Variants in NECTIN3 observed in about 807,000 individuals in gnomAD.
NECTIN3 encodes the protein nectin-3.
A neutral mutation model predicts 49.4 loss-of-function variants in NECTIN3; 8 were observed. The ratio of observed to expected loss-of-function variants is 0.16; its 90% confidence interval spans 0.10 to 0.29. The LOEUF (loss-of-function observed/expected upper bound fraction) is 0.29, where lower values mean the gene tolerates loss of function less well. NECTIN3 is among the 10% of genes least tolerant of loss of function. NECTIN3 has a pLI of 1.00. For synonymous variants in NECTIN3, 277 were observed against 241.1 expected, an observed-to-expected ratio of 1.15 and a Z score of -1.38; for missense variants, 581 against 654.6, an observed-to-expected ratio of 0.89 and a Z score of 1.23.
intron 1 of NECTIN3, among the ~76,000 whole-genome samples, chr3:111,082,322 T>C (rs1336555415): frequency 6.6e-6 from 1 of 151,942 alleles, no homozygotes; most frequent in African/African-American, 2.4e-5. Flanking sequence ...CTGGGAATTA[T>C]CAGGATTGAG....
intron 7 of NECTIN3, among the ~76,000 whole-genome samples, chr3:111,161,960 T>C (rs1269057205): frequency 6.6e-6 from 1 of 152,178 alleles, no homozygotes; most frequent in Non-Finnish European, 1.5e-5. Context: ...TTACAGCCAC[T>C]ACCAGCCACT....
rs930463592 is a variant in NECTIN3, at chr3:111,137,341, T to G, written c.*3126T>G. 2.3e-5 allele frequency: 22 copies of G among 971,952 alleles called. No individual in the cohort carries two copies. Among genetic ancestry groups the G allele is most frequent in the Non-Finnish European group, 2.6e-5 (21 of 818,036 alleles). The allele number at this position is 971,952 out of a possible 1,614,324, so 60.2% of individuals were successfully genotyped here. The stretch of plus-strand genomic sequence containing the variant: ...TACTTGTTAATTAGAAAATGCATCC[T>G]TCATAAACAGCTCCTTTCTCAAATT... On this transcript the variant is annotated 3_prime_UTR_variant, in exon 6 of 6. Transcript: ENST00000485303.
chr3:111,193,341 A>C, intron 1 of NECTIN3: 1 of 1,535,834 alleles, frequency 6.5e-7, no homozygotes, highest in Middle Eastern at 1.7e-4. Context: ...TAACGACCCT[A>C]AGAGAGTCTA....
chr3:111,192,528 G>A (rs1380930029), intron 1 of NECTIN3: 2 of 1,061,440 alleles, frequency 1.9e-6, no homozygotes, highest in Non-Finnish European at 2.7e-6. Flanking sequence ...CTATTTGAGT[G>A]TCTCTGCTAA....
At chr3:111,111,793 C>T (rs1475938789) in intron 1 of NECTIN3, among the ~76,000 whole-genome samples, 1 of 152,002 alleles carries the variant, frequency 6.6e-6, no homozygotes, top group East Asian at 1.9e-4. Flanking sequence ...TTGACAGTCA[C>T]ATTTGGATCT....
At chr3:111,172,855 A>G (rs553688076) in intron 7 of NECTIN3, among the ~76,000 whole-genome samples, 1 of 152,156 alleles carries the variant, frequency 6.6e-6, no homozygotes, top group South Asian at 2.1e-4. Flanking sequence ...GTTCTACCCT[A>G]TATTATCCAG....
At chr3:111,110,724 T>C (rs1202621946) in intron 1 of NECTIN3, among the ~76,000 whole-genome samples, 1 of 152,070 alleles carries the variant, frequency 6.6e-6, no homozygotes, top group Non-Finnish European at 1.5e-5. Context: ...TGATACTTTT[T>C]TGAAGCAATG....
At chr3:111,163,978 A>G (rs2035269473) in intron 7 of NECTIN3, among the ~76,000 whole-genome samples, 2 of 127,930 alleles carry the variant, frequency 1.6e-5, no homozygotes, top group South Asian at 2.2e-4. Flanking sequence ...AGTAAATCTG[A>G]AAAAAAAAAA....
chr3:111,122,314 T>G (rs2107471070), intron 4 of NECTIN3, 76 bp downstream of exon 4: 1 of 1,146,606 alleles, frequency 8.7e-7, no homozygotes, highest in Middle Eastern at 2.0e-4. Flanking sequence ...ATTGTTTTTA[T>G]CTGTATAATA....
intron 7 of NECTIN3, among the ~76,000 whole-genome samples, chr3:111,150,337 T>C (rs961768931): frequency 6.6e-6 from 1 of 152,012 alleles, no homozygotes; most frequent in Non-Finnish European, 1.5e-5. Context: ...ACAGTAGTTA[T>C]CTGTCAGATG....
At chr3:111,078,067 A>G (rs891483398) in intron 1 of NECTIN3, among the ~76,000 whole-genome samples, 2 of 152,336 alleles carry the variant, frequency 1.3e-5, no homozygotes, top group African/African-American at 2.4e-5. Context: ...GAAATCCAGT[A>G]GATATATTAT....
In NECTIN3 at chr3:111,071,990, G is replaced by GGCGA. The variant is rs748194009; in HGVS notation, c.-24_-21dup. 7.0e-7 allele frequency: 1 copy of GGCGA among 1,425,806 alleles called. No homozygotes were observed. The highest frequency in any genetic ancestry group is 1.5e-5 in the South Asian group (1 of 67,580). 88.3% of individuals were successfully genotyped at this position (1,425,806 alleles called of 1,614,324 possible). A position where few individuals can be genotyped will look rare whatever the true frequency, so the allele number is the denominator to read the frequency against. Reference sequence around the variant, plus strand: ...GGCCGGGGGAGCCGGGGGGCGGGCGGGCGAGCGGGCCGGGGGGAGGGTGGG... The same window carrying GGCGA: ...GGCCGGGGGAGCCGGGGGGCGGGCGGGCGAGCGAGCGGGCCGGGGGGAGGGTGGG... On this transcript the variant is annotated 5_prime_UTR_variant, in exon 1 of 6. Coordinates refer to ENST00000485303, the MANE Select transcript of NECTIN3 (RefSeq NM_015480.3).
intron 1 of NECTIN3, among the ~76,000 whole-genome samples, chr3:111,080,265 A>G (rs1046599027): frequency 1.3e-5 from 2 of 152,070 alleles, no homozygotes; most frequent in Non-Finnish European, 2.9e-5. Flanking sequence ...TTGAAACTGC[A>G]TTGTTTATCA....
intron 7 of NECTIN3, among the ~76,000 whole-genome samples, chr3:111,179,434 A>C (rs904310293): frequency 2.0e-5 from 3 of 152,216 alleles, no homozygotes; most frequent in Non-Finnish European, 2.9e-5. Context: ...CTTTTCAGTA[A>C]GTGTTTACTG....
intron 1 of NECTIN3, among the ~76,000 whole-genome samples, chr3:111,087,197 G>T: frequency 6.6e-6 from 1 of 152,062 alleles, no homozygotes; most frequent in East Asian, 1.9e-4. Context: ...TCTCTTCAAT[G>T]ATTGTATTGT....
At chr3:111,119,501 T>C (rs1375736659) in intron 3 of NECTIN3, among the ~76,000 whole-genome samples, 2 of 152,186 alleles carry the variant, frequency 1.3e-5, no homozygotes, top group Non-Finnish European at 2.9e-5. Flanking sequence ...CCTGCTAATT[T>C]TTGTATTTTT....
intron 1 of NECTIN3, 183 bp downstream of exon 1, chr3:111,072,360 A>T: frequency 1.4e-6 from 2 of 1,476,456 alleles, no homozygotes; most frequent in Non-Finnish European, 1.8e-6. Context: ...GGGCCAGGCC[A>T]GCGAATGCTG....
intron 1 of NECTIN3, among the ~76,000 whole-genome samples, chr3:111,083,566 C>G (rs2031753978): frequency 6.6e-6 from 1 of 152,204 alleles, no homozygotes; most frequent in Non-Finnish European, 1.5e-5. Flanking sequence ...ACCCTTGTCT[C>G]AGACTTTCAT....
chr3:111,086,514 ACT>A (rs919583115), intron 1 of NECTIN3, among the ~76,000 whole-genome samples: 3 of 151,850 alleles, frequency 2.0e-5, no homozygotes, highest in South Asian at 2.1e-4. Context: ...TATGGAAAAG[ACT>A]CTCTGCTGTG....
Sources: allele counts gnomAD v4.1 joint callset (sites outside exome capture counted in the v4.1 genomes callset), GRCh38; gene constraint gnomAD v4.1.1; transcripts MANE v1.5; gene names NCBI Gene and HGNC (gene_info 2026-07-23, HGNC 2026-07-21).